CEACAM5: variants seen among roughly 807,000 people sequenced by gnomAD.
CEACAM5 encodes CEA cell adhesion molecule 5.
A neutral mutation model predicts 63.0 loss-of-function variants in CEACAM5; 52 were observed. That is an observed-to-expected ratio of 0.83 (90% CI 0.66 to 1.04). The LOEUF is 1.04. Among genes scored for constraint, CEACAM5 ranks in the 50% least tolerant of loss-of-function variants. CEACAM5 has a pLI of 0.00. For missense variants in CEACAM5, 790 were observed against 864.8 expected (o/e 0.91, Z 1.08); for synonymous variants, 357 against 351.3 (o/e 1.02, Z -0.18).
Position 41,718,374 on chromosome 19 carries a change from C to T in CEACAM5, c.1484C>T (p.Thr495Ile). The change falls in exon 6 of 10, where the codon ACA (threonine) becomes ATA (isoleucine). Residue 495 changes from threonine to isoleucine, a missense_variant. Coordinates refer to ENST00000221992, the MANE Select transcript of CEACAM5 (RefSeq NM_004363.6). ...GHSRTTVKTI[T>I]VSAELPKPSI... ...AGCAGGACTACAGTCAAGACAATCA[C>T]AGTCTCTGGTAAGTGGATCCCTGGA... is the stretch of plus-strand genomic sequence containing the variant. 1 of 1,614,136 alleles carries T rather than the reference C, an allele frequency of 6.2e-7. No homozygotes were observed. The highest frequency in any genetic ancestry group is 8.5e-7 in the Non-Finnish European group (1 of 1,179,984).
At chr19:41,721,979 A>T (rs1255500994) in intron 8 of CEACAM5, among the ~76,000 whole-genome samples, 1 of 152,222 alleles carries the variant, frequency 6.6e-6, no homozygotes, top group Admixed American at 6.5e-5. Context: ...ATGGGAGGGA[A>T]CAGGCAGTGC....
At chr19:41,721,693 T>G (rs138982145) in intron 8 of CEACAM5, among the ~76,000 whole-genome samples, 3,800 of 152,346 alleles carry the variant, frequency 0.025, 141 homozygotes, top group African/African-American at 0.079. Context: ...CTGCCCTGGC[T>G]CCACTTGGGG....
intron 2 of CEACAM5, among the ~76,000 whole-genome samples, chr19:41,714,169 C>T (rs782622032): frequency 2.6e-5 from 4 of 152,104 alleles, no homozygotes; most frequent in African/African-American, 7.2e-5. Context: ...GAGCCGAGAT[C>T]GTGCCTGGCC....
intron 8 of CEACAM5, among the ~76,000 whole-genome samples, chr19:41,723,956 A>G (rs1282945778): frequency 6.6e-6 from 1 of 151,926 alleles, no homozygotes; most frequent in Non-Finnish European, 1.5e-5. Context: ...CAAAAAAAAA[A>G]AAAAAAAGTT....
rs782251588 is a variant in CEACAM5 at position 41,709,819 on chromosome 19, C to G, written c.204C>G (p.Tyr68Ter). Residue 68 changes from tyrosine (Y) to a stop codon, truncating the protein, a stop_gained, in exon 2 of 10, where the codon TAC becomes TAG. Transcript: ENST00000221992. LOFTEE classifies it high-confidence loss of function. ...AGCATCTTTTTGGCTACAGCTGGTA[C>G]AAAGGTGAAAGAGTGGATGGCAACC... ...LPQHLFGYSW[Y>*]KGERVDGNRQ... The G allele has an allele frequency of 1.6e-5, 26 of 1,613,942 alleles. No homozygotes were observed. The highest frequency in any genetic ancestry group is 5.0e-5 in the Admixed American group (3 of 59,982).
rs1384218113 is a variant in CEACAM5, at chr19:41,709,804, T to C, written c.189T>C (p.Phe63=). 6.2e-7 allele frequency: 1 copy of C among 1,614,130 alleles called. No homozygotes were observed. Residue 63 remains phenylalanine, a synonymous_variant, in exon 2 of 10, where the codon TTT becomes TTC. Coordinates refer to ENST00000221992, the MANE Select transcript of CEACAM5 (RefSeq NM_004363.6). ...LLVHNLPQHL[F]GYSWYKGERV... ...TCCACAATCTGCCCCAGCATCTTTT[T>C]GGCTACAGCTGGTACAAAGGTGAAA...
intron 1 of CEACAM5, among the ~76,000 whole-genome samples, chr19:41,709,102 G>A (rs1274213849): frequency 2.0e-5 from 3 of 152,202 alleles, no homozygotes; most frequent in South Asian, 4.1e-4. Flanking sequence ...GTCCTCATCC[G>A]CCTACCGCGG....
intron 9 of CEACAM5, 45 bp from the exon 10 acceptor site, chr19:41,729,139 A>G (rs969132973): frequency 2.0e-5 from 3 of 152,234 alleles, no homozygotes; most frequent in African/African-American, 4.8e-5. Context: ...ATAAATTATC[A>G]TCAGATTTTT....
chr19:41,719,819 T>G, intron 6 of CEACAM5, 111 bp from the exon 7 acceptor site: 4 of 1,555,234 alleles, frequency 2.6e-6, no homozygotes, highest in Non-Finnish European at 3.5e-6. Flanking sequence ...GCCATGGGCT[T>G]TTAAGGACTC....
chr19:41,728,867 T>C (rs1266358299), intron 9 of CEACAM5, among the ~76,000 whole-genome samples: 1 of 151,860 alleles, frequency 6.6e-6, no homozygotes, highest in Non-Finnish European at 1.5e-5. Context: ...TGTTCATTAA[T>C]GGGCTCCACC....
intron 3 of CEACAM5, 185 bp from the exon 4 acceptor site, chr19:41,715,465 T>A (rs782395607): frequency 5.4e-6 from 6 of 1,118,968 alleles, no homozygotes; most frequent in Non-Finnish European, 8.0e-6. Context: ...AGGCTCAGGG[T>A]CCACACCCTA....
chr19:41,721,532 T>G lies in CEACAM5; in HGVS notation c.2026+356T>G, dbSNP rs543773178. ...CCCTTTCTGTCACCTCTTTGTGTTT[T>G]TTCACCTACTCTGTGAGCTACAAGG... On this transcript the variant is annotated intron_variant, in intron 8 of 9. Coordinates refer to ENST00000221992, the MANE Select transcript of CEACAM5 (RefSeq NM_004363.6). Among the ~76,000 whole-genome samples the G allele has an allele frequency of 2.0e-5, 3 of 152,386 alleles. No homozygotes were observed. The South Asian group carries it at 6.2e-4, about 32-fold the overall frequency.
At chr19:41,718,407 C>A (rs781809941) in intron 6 of CEACAM5, 25 bp downstream of exon 6, 9 of 1,611,200 alleles carry the variant, frequency 5.6e-6, no homozygotes, top group Non-Finnish European at 7.6e-6. Context: ...GGACCGTTAG[C>A]AATATGTTCT....
chr19:41,708,779 G>T lies in CEACAM5; in HGVS notation c.48G>T (p.Gln16His). Residue 16 changes from glutamine to histidine, a missense_variant, in exon 1 of 10, where the codon CAG (glutamine) becomes CAT (histidine). Physicochemically the swap from Gln to His is conservative, Grantham distance 24 (BLOSUM62 0). Transcript: ENST00000221992. ...APPHRWCIPWQRLLLTASLLT... is the reference protein window; with the variant it reads ...APPHRWCIPWHRLLLTASLLT... ...CCCACAGATGGTGCATCCCCTGGCA[G>T]AGGCTCCTGCTCACAGGTGAAGGGA... 6.2e-7 allele frequency: 1 copy of T among 1,611,948 alleles called. No homozygotes were observed. Among genetic ancestry groups the T allele is most frequent in the Non-Finnish European group, 8.5e-7 (1 of 1,178,956 alleles).
rs781981768 is a variant in CEACAM5 at position 41,715,668 on chromosome 19, C to G, written c.722C>G (p.Thr241Ser). ...GCTCCAGATGGCCCGGATGCCCCCA[C>G]CATTTCCCCTCTAAACACATCTTAC... ...LNVLYGPDAP[T>S]ISPLNTSYRS... The change falls in exon 4 of 10, where the codon ACC becomes AGC. Residue 241 changes from threonine (T) to serine (S), a missense_variant. Thr to Ser is a moderately conservative substitution (Grantham distance 58). Coordinates refer to ENST00000221992, the MANE Select transcript of CEACAM5 (RefSeq NM_004363.6). 1.2e-6 allele frequency: 2 copies of G among 1,614,200 alleles called. No homozygotes were observed. Among genetic ancestry groups the G allele is most frequent in the Non-Finnish European group, 1.7e-6 (2 of 1,180,038 alleles).
chr19:41,713,764 A>G (rs1252516267), intron 2 of CEACAM5, among the ~76,000 whole-genome samples: 1 of 152,260 alleles, frequency 6.6e-6, no homozygotes, highest in African/African-American at 2.4e-5. Flanking sequence ...CTGTCTCATA[A>G]CTGTCAAACA....
At chr19:41,711,044 A>G (rs892301106) in intron 2 of CEACAM5, among the ~76,000 whole-genome samples, 19 of 151,912 alleles carry the variant, frequency 1.3e-4, no homozygotes, top group Non-Finnish European at 7.4e-5. Context: ...CCTCTCCTCA[A>G]CTGGGGGTGG....
intron 2 of CEACAM5, 130 bp downstream of exon 2, chr19:41,710,169 T>C: frequency 7.5e-7 from 1 of 1,338,238 alleles, no homozygotes; most frequent in East Asian, 2.3e-5. Context: ...GGGCATTTAG[T>C]GCAGGATACA....
At position 41,717,784 on chromosome 19, in the gene CEACAM5, T is replaced by A. The variant is rs367969353; in HGVS notation, c.1237+51T>A. 9 of 1,596,088 alleles carry A rather than the reference T, an allele frequency of 5.6e-6. No homozygotes were observed. In the African/African-American group the frequency reaches 1.2e-4, roughly 21 times the overall value. On this transcript the variant is annotated intron_variant, in intron 5 of 9. Transcript: ENST00000221992. ...CTCAGGCTGCCAGCCCAAATCCACA[T>A]AGCCAAAGTCCAGGCCTCTCAGTCC... is the stretch of plus-strand genomic sequence containing the variant.
Sources: allele counts gnomAD v4.1 joint callset (sites outside exome capture counted in the v4.1 genomes callset), GRCh38; gene constraint gnomAD v4.1.1; transcripts MANE v1.5; gene names NCBI Gene and HGNC (gene_info 2026-07-23, HGNC 2026-07-21).